Variants in ADARB2 observed in about 807,000 individuals in gnomAD.
ADARB2 encodes inactive double-stranded RNA-specific editase B2.
ADARB2 carries 25 observed loss-of-function variants against 62.2 expected under a neutral mutation model. That is an observed-to-expected ratio of 0.40 (90% confidence interval 0.29 to 0.56). The LOEUF (loss-of-function observed/expected upper bound fraction) is 0.56, where lower values mean the gene tolerates loss of function less well. Ranked by LOEUF, ADARB2 falls within the 20% of genes least tolerant of loss-of-function variation. The probability of loss-of-function intolerance (pLI) is 0.43; values close to 1 mark genes in which losing one functional copy is unlikely to be tolerated. For synonymous variants in ADARB2, 572 were observed against 500.8 expected (o/e 1.14, Z -1.90); for missense variants, 1,071 against 1,077.4 (o/e 0.99, Z 0.08).
At chr10:1,371,708 C>T (rs1039560783) in intron 2 of ADARB2, among the ~76,000 whole-genome samples, 4 of 149,380 alleles carry the variant, frequency 2.7e-5, no homozygotes, top group African/African-American at 9.9e-5. Context: ...AAATGCTCAA[C>T]GTCACAGGGG....
At chr10:1,332,384 C>T (rs1160937259) in intron 3 of ADARB2, among the ~76,000 whole-genome samples, 3 of 149,298 alleles carry the variant, frequency 2.0e-5, no homozygotes, top group African/African-American at 7.4e-5. Context: ...CCACTGCATT[C>T]CAGTCTGGGT....
intron 1 of ADARB2, among the ~76,000 whole-genome samples, chr10:1,636,678 GTAGA>G (rs911193798): frequency 2.7e-5 from 4 of 150,620 alleles, no homozygotes; most frequent in African/African-American, 9.8e-5. Flanking sequence ...TTATATATAT[GTAGA>G]TAGATATCTA....
intron 1 of ADARB2, among the ~76,000 whole-genome samples, chr10:1,651,582 C>G (rs1007247613): frequency 6.6e-6 from 1 of 152,276 alleles, no homozygotes; most frequent in South Asian, 2.1e-4. Flanking sequence ...CACACTAGTC[C>G]CTTGCCAGCT....
At chr10:1,650,093 C>A (rs1439353378) in intron 1 of ADARB2, among the ~76,000 whole-genome samples, 1 of 152,158 alleles carries the variant, frequency 6.6e-6, no homozygotes, top group African/African-American at 2.4e-5. Flanking sequence ...CTGTTGTTCC[C>A]CATGGTGGAC....
intron 1 of ADARB2, among the ~76,000 whole-genome samples, chr10:1,423,944 T>TA (rs1171320750): frequency 6.6e-6 from 1 of 152,122 alleles, no homozygotes; most frequent in African/African-American, 2.4e-5. Context: ...ATGTATGCAG[T>TA]AGATCCACTA....
chr10:1,680,379 C>A (rs1451151357), intron 1 of ADARB2, among the ~76,000 whole-genome samples: 1 of 151,972 alleles, frequency 6.6e-6, no homozygotes. Context: ...CCATCTTTGC[C>A]CATCAACACC....
At chr10:1,612,989 A>C (rs1833590162) in intron 1 of ADARB2, among the ~76,000 whole-genome samples, 1 of 152,244 alleles carries the variant, frequency 6.6e-6, no homozygotes, top group Non-Finnish European at 1.5e-5. Flanking sequence ...ATGGGTTGTG[A>C]ACAAGTTAAC....
intron 3 of ADARB2, among the ~76,000 whole-genome samples, chr10:1,288,968 A>G (rs1344574127): frequency 6.6e-6 from 1 of 152,162 alleles, no homozygotes; most frequent in African/African-American, 2.4e-5. Flanking sequence ...TTCAGACATG[A>G]TGGAAGAGGG....
intron 1 of ADARB2, among the ~76,000 whole-genome samples, chr10:1,692,548 G>A (rs535023274): frequency 3.9e-5 from 6 of 152,154 alleles, no homozygotes; most frequent in African/African-American, 1.4e-4. Flanking sequence ...GGCAGACTAC[G>A]GAGCAGGAGT....
chr10:1,220,261 ATGG>A (rs1338486321), intron 6 of ADARB2, among the ~76,000 whole-genome samples: 53 of 131,220 alleles, frequency 4.0e-4, no homozygotes, highest in South Asian at 5.3e-4. Flanking sequence ...GGTGGTGATG[ATGG>A]TGGTGATGAT....
chr10:1,301,412 A>T (rs1003248488), intron 3 of ADARB2, among the ~76,000 whole-genome samples: 1 of 152,230 alleles, frequency 6.6e-6, no homozygotes, highest in African/African-American at 2.4e-5. Context: ...GAATTTTAGA[A>T]CCTAAATAGA....
intron 1 of ADARB2, among the ~76,000 whole-genome samples, chr10:1,460,625 G>A (rs113097119): frequency 5.4e-3 from 206 of 38,458 alleles, no homozygotes; most frequent in African/African-American, 0.011. Flanking sequence ...TACCTGCGTA[G>A]CAAACCTGCC....
At chr10:1,406,700 ACTG>A (rs1832710404) in intron 1 of ADARB2, among the ~76,000 whole-genome samples, 1 of 152,164 alleles carries the variant, frequency 6.6e-6, no homozygotes, top group Admixed American at 6.5e-5. Context: ...ACCCCTTGTG[ACTG>A]CTGTGAAGGT....
At position 1,721,325 on chromosome 10, in the gene ADARB2, G is replaced by A. The variant is rs557231597; in HGVS notation, c.100+15726C>T. Among the ~76,000 whole-genome samples the A allele has an allele frequency of 1.8e-4, 28 of 152,328 alleles. No individual in the cohort carries two copies. In the South Asian group the frequency reaches 4.6e-3, roughly 25 times the overall value. Reference sequence around the variant, plus strand: ...TGTATGTGTTCAGATAAGACCAAACGAATGTTGACGTTGACATAAAATAAT... The same window carrying A: ...TGTATGTGTTCAGATAAGACCAAACAAATGTTGACGTTGACATAAAATAAT... On this transcript the variant is annotated intron_variant, in intron 1 of 9. Coordinates refer to ENST00000381312, the MANE Select transcript of ADARB2 (RefSeq NM_018702.4).
intron 1 of ADARB2, among the ~76,000 whole-genome samples, chr10:1,667,932 G>C (rs573258242): frequency 6.6e-6 from 1 of 152,208 alleles, no homozygotes; most frequent in South Asian, 2.1e-4. Context: ...GGCATCACCT[G>C]TGAAGCCTTG....
chr10:1,299,337 C>T (rs898597792), intron 3 of ADARB2, among the ~76,000 whole-genome samples: 5 of 152,036 alleles, frequency 3.3e-5, no homozygotes, highest in East Asian at 3.9e-4. Context: ...GGGACGTGGA[C>T]GTGGCCACAG....
At chr10:1,294,841 C>G (rs571567584) in intron 3 of ADARB2, among the ~76,000 whole-genome samples, 1 of 152,210 alleles carries the variant, frequency 6.6e-6, no homozygotes, top group East Asian at 1.9e-4. Flanking sequence ...GGCTCTCAGC[C>G]CTGCCTGCAA....
intron 3 of ADARB2, among the ~76,000 whole-genome samples, chr10:1,357,789 T>C (rs1027643318): frequency 2.0e-5 from 3 of 152,238 alleles, no homozygotes; most frequent in Non-Finnish European, 2.9e-5. Context: ...CCAACAAGCA[T>C]GGAGCGCGTA....
chr10:1,276,283 C>G (rs1202713919), intron 3 of ADARB2, among the ~76,000 whole-genome samples: 3 of 152,110 alleles, frequency 2.0e-5, no homozygotes, highest in Admixed American at 6.5e-5. Context: ...TTTCATGTGT[C>G]TTTTGGCTGC....
Sources: gnomAD v4.1 joint callset for allele counts (sites outside exome capture counted in the v4.1 genomes callset) on GRCh38, gnomAD v4.1.1 for gene constraint, MANE v1.5 for transcripts, NCBI Gene and HGNC (gene_info 2026-07-23, HGNC 2026-07-21) for gene names.